The following FGF14 variants were observed in gnomAD, a reference collection of about 807,000 sequenced individuals.
FGF14 encodes the protein fibroblast growth factor homologous factor 4.
A neutral mutation model predicts 25.5 loss-of-function variants in FGF14; 5 were observed. That is an observed-to-expected ratio of 0.20 (90% confidence interval 0.10 to 0.41). The LOEUF (loss-of-function observed/expected upper bound fraction) is 0.41, where lower values mean the gene tolerates loss of function less well. Among genes scored for constraint, FGF14 ranks in the 10% least tolerant of loss-of-function variants. The pLI, the probability that FGF14 is intolerant of heterozygous loss-of-function variation, is 1.00. For missense variants in FGF14, 222 were observed against 320.1 expected (o/e 0.69, Z 2.34); for synonymous variants, 138 against 118.3 (o/e 1.17, Z -1.08).
chr13:101,917,900 G>A (rs140571529), upstream of FGF14, among the ~76,000 whole-genome samples: 45 of 152,226 alleles, frequency 3.0e-4, no homozygotes, highest in African/African-American at 1.0e-3. Context: ...TAAACGCCCA[G>A]GAGAATGTTG....
chr13:101,748,121 T>C (rs1418868501), intron 3 of FGF14, among the ~76,000 whole-genome samples: 1 of 152,092 alleles, frequency 6.6e-6, no homozygotes, highest in South Asian at 2.1e-4. Context: ...ACTGGGTCTA[T>C]ATCCAAAAGA....
At chr13:102,331,108 T>C (rs1204929966) in intron 1 of FGF14, among the ~76,000 whole-genome samples, 1 of 152,134 alleles carries the variant, frequency 6.6e-6, no homozygotes, top group Non-Finnish European at 1.5e-5. Flanking sequence ...TAATAAAGTA[T>C]GTCATAAAAT....
rs2034702147 is a variant in FGF14, at chr13:101,715,946, T to G, written c.*6885A>C. ...GGCAACATCTACAGACAATTTTGAT[T>G]GTCACACTGGGTCGGGTAGGAAGGT... On this transcript the variant is annotated 3_prime_UTR_variant, in exon 5 of 5. Transcript: ENST00000376143. The G allele has an allele frequency of 3.0e-6, 1 of 335,662 alleles. No homozygotes were observed. The highest frequency in any genetic ancestry group is 2.1e-5 in the African/African-American group (1 of 46,930). 20.8% of individuals were successfully genotyped at this position (335,662 alleles called of 1,614,324 possible).
At chr13:102,322,365 G>C (rs1369783261) in intron 1 of FGF14, among the ~76,000 whole-genome samples, 1 of 152,098 alleles carries the variant, frequency 6.6e-6, no homozygotes, top group Non-Finnish European at 1.5e-5. Flanking sequence ...TTTATTACTG[G>C]TGGGAAAGAC....
intron 3 of FGF14, among the ~76,000 whole-genome samples, chr13:101,831,956 C>G (rs1279431878): frequency 6.6e-6 from 1 of 151,892 alleles, no homozygotes; most frequent in Non-Finnish European, 1.5e-5. Flanking sequence ...ATAATGGCCA[C>G]CAAATATATC....
intron 1 of FGF14, among the ~76,000 whole-genome samples, chr13:101,966,618 G>A (rs932822862): frequency 1.3e-5 from 2 of 152,076 alleles, no homozygotes; most frequent in Admixed American, 6.6e-5. Flanking sequence ...GAGTAGCTGG[G>A]ATTACAGGTG....
At chr13:102,393,795 A>G (rs1402872888) in intron 1 of FGF14, 1 of 152,244 alleles carries the variant, frequency 6.6e-6, no homozygotes, top group African/African-American at 2.4e-5. Flanking sequence ...TGGCTCTTGG[A>G]ACAGTCGCTT....
At chr13:101,759,559 C>A (rs959995748) in intron 3 of FGF14, among the ~76,000 whole-genome samples, 1 of 152,144 alleles carries the variant, frequency 6.6e-6, no homozygotes, top group East Asian at 1.9e-4. Context: ...TTCTTAACAT[C>A]TGATCCCTAG....
At chr13:102,374,277 TAATC>T (rs1248595204) in intron 1 of FGF14, among the ~76,000 whole-genome samples, 1 of 152,068 alleles carries the variant, frequency 6.6e-6, no homozygotes, top group Non-Finnish European at 1.5e-5. Context: ...ATAAACAATT[TAATC>T]AATTCAATTA....
intron 1 of FGF14, among the ~76,000 whole-genome samples, chr13:102,137,843 T>C (rs1047548739): frequency 2.0e-5 from 3 of 150,970 alleles, no homozygotes; most frequent in African/African-American, 7.3e-5. Context: ...GATGGTCTCA[T>C]TGCCAATCAA....
At chr13:102,053,732 G>C (rs1018912375) in intron 1 of FGF14, among the ~76,000 whole-genome samples, 3 of 152,088 alleles carry the variant, frequency 2.0e-5, no homozygotes, top group African/African-American at 7.2e-5. Flanking sequence ...GGAAAAACCA[G>C]AGAAGTTAAT....
At chr13:102,157,405 G>T (rs1175629644) in intron 1 of FGF14, among the ~76,000 whole-genome samples, 2 of 152,148 alleles carry the variant, frequency 1.3e-5, no homozygotes. Flanking sequence ...CAAGAAATGG[G>T]GAGAGAATTC....
At chr13:101,966,172 G>A (rs759575221) in intron 1 of FGF14, among the ~76,000 whole-genome samples, 6 of 152,156 alleles carry the variant, frequency 3.9e-5, no homozygotes, top group Non-Finnish European at 8.8e-5. Flanking sequence ...CTTCACAAAG[G>A]TAAGTGGGTT....
intron 1 of FGF14, among the ~76,000 whole-genome samples, chr13:102,269,952 G>A (rs957555677): frequency 2.0e-5 from 3 of 152,144 alleles, no homozygotes; most frequent in Admixed American, 6.5e-5. Context: ...CACCACGCCC[G>A]AGTGGAGTTG....
chr13:101,918,857 T>C (rs953804015), upstream of FGF14, among the ~76,000 whole-genome samples: 1 of 152,250 alleles, frequency 6.6e-6, no homozygotes, highest in African/African-American at 2.4e-5. Context: ...GAAGTTTATT[T>C]TCTACACTTT....
At chr13:101,770,220 G>T (rs902219746) in intron 3 of FGF14, among the ~76,000 whole-genome samples, 1 of 152,014 alleles carries the variant, frequency 6.6e-6, no homozygotes, top group Admixed American at 6.6e-5. Flanking sequence ...AATTGTTTGG[G>T]TCTAACTGTA....
rs2034454835 is a variant in FGF14, at chr13:101,711,285, A to T, written c.*11546T>A. On this transcript the variant is annotated 3_prime_UTR_variant, in exon 5 of 5. Transcript: ENST00000376143. ...TGCTGTTGTGTGACAATGGCTGTAA[A>T]CACATGTCATTAACTGTCTCCTTAA... The T allele has an allele frequency of 6.6e-6, 1 of 152,246 alleles. No individual in the cohort carries two copies. The highest frequency in any genetic ancestry group is 1.5e-5 in the Non-Finnish European group (1 of 68,054). The allele number at this position is 152,246 out of a possible 1,614,324, so 9.4% of individuals were successfully genotyped here. A position where few individuals can be genotyped will look rare whatever the true frequency, so the allele number is the denominator to read the frequency against.
intron 3 of FGF14, among the ~76,000 whole-genome samples, chr13:101,787,119 G>A (rs1566900685): frequency 1.3e-5 from 2 of 151,912 alleles, no homozygotes; most frequent in South Asian, 4.2e-4. Context: ...AATAAGCAAT[G>A]TGAAAAAAAC....
At chr13:102,355,057 A>G (rs1295881266) in intron 1 of FGF14, among the ~76,000 whole-genome samples, 1 of 152,182 alleles carries the variant, frequency 6.6e-6, no homozygotes, top group East Asian at 1.9e-4. Context: ...GACAGTCTTC[A>G]GGGAAAAAGG....
Sources: gnomAD v4.1 joint callset for allele counts (sites outside exome capture counted in the v4.1 genomes callset) on GRCh38, gnomAD v4.1.1 for gene constraint, MANE v1.5 for transcripts, NCBI Gene and HGNC (gene_info 2026-07-23, HGNC 2026-07-21) for gene names.